The following AVEN variants were observed in gnomAD, a reference collection of about 807,000 sequenced individuals.
AVEN encodes apoptosis and caspase activation inhibitor.
A neutral mutation model predicts 38.1 loss-of-function variants in AVEN; 41 were observed. The ratio of observed to expected loss-of-function variants is 1.08; its 90% CI spans 0.84 to 1.40. AVEN has a LOEUF of 1.40. AVEN is among the 40% of genes most tolerant of loss of function. The pLI, the probability that AVEN is intolerant of heterozygous loss-of-function variation, is 0.00. For missense variants in AVEN, 605 were observed against 438.8 expected (o/e 1.38, Z -3.38); for synonymous variants, 206 against 171.8 (o/e 1.20, Z -1.56).
chr15:33,859,322 C>T (rs1308165698), intron 11 of AVEN, among the ~76,000 whole-genome samples: 2 of 152,248 alleles, frequency 1.3e-5, no homozygotes, highest in African/African-American at 2.4e-5. Context: ...AACTTATATA[C>T]ACCTTTAATG....
intron 1 of AVEN, among the ~76,000 whole-genome samples, chr15:34,034,608 C>T (rs1368291994): frequency 6.6e-6 from 1 of 151,924 alleles, no homozygotes; most frequent in African/African-American, 2.4e-5. Context: ...TACATGGTTT[C>T]CCAAAATTTT....
intron 2 of AVEN, among the ~76,000 whole-genome samples, chr15:33,983,231 CAT>C (rs575460510): frequency 0.11 from 10,763 of 100,652 alleles, 698 homozygotes; most frequent in South Asian, 0.29. Context: ...TATACACACA[CAT>C]ACACACACAC....
intron 2 of AVEN, among the ~76,000 whole-genome samples, chr15:33,945,997 C>T (rs1894496227): frequency 6.6e-6 from 1 of 152,130 alleles, no homozygotes; most frequent in East Asian, 1.9e-4. Flanking sequence ...TCAGTGAGAG[C>T]AGGAACTGTA....
At chr15:33,898,779 T>C (rs1892354215) in intron 2 of AVEN, among the ~76,000 whole-genome samples, 1 of 152,074 alleles carries the variant, frequency 6.6e-6, no homozygotes, top group Non-Finnish European at 1.5e-5. Flanking sequence ...AAAATAGCTA[T>C]GAAACAAGAC....
Position 33,867,609 on chromosome 15 carries a change from C to CTAG in AVEN, c.856_858dup (p.Leu286dup). On this transcript the variant is annotated inframe_insertion, in exon 5 of 6. Transcript: ENST00000306730. The stretch of plus-strand genomic sequence containing the variant: ...GGTGCATCTAAATTAAGCAACAGAT[C>CTAG]TAGTTCTTCTTCCAAATGGTCTCCT... 1 of 1,614,204 alleles carries CTAG rather than the reference C, an allele frequency of 6.2e-7. No homozygotes were observed. Among genetic ancestry groups the CTAG allele is most frequent in the Non-Finnish European group, 8.5e-7 (1 of 1,180,040 alleles).
chr15:34,074,701 C>A lies in AVEN; in HGVS notation n.455G>T, dbSNP rs191015668. Among the ~76,000 whole-genome samples, 355 of 152,276 alleles carry A rather than the reference C, an allele frequency of 2.3e-3. 3 individuals are homozygous for A. The Middle Eastern group carries it at 0.027, about 12-fold the overall frequency. ...GGTCCACCGTAATGACTTCATCTTA[C>A]CTTTATTACCTCCTAAAGACCCTAT... On this transcript the variant is annotated non_coding_transcript_exon_variant, in exon 1 of 12. Coordinates refer to the AVEN transcript ENST00000675287.
Position 34,003,150 on chromosome 15 carries a change from A to G in AVEN, c.327T>C (p.Tyr109=), listed in dbSNP as rs1218592962. 6.2e-7 allele frequency: 1 copy of G among 1,613,870 alleles called. No individual in the cohort carries two copies. Among genetic ancestry groups the G allele is most frequent in the East Asian group, 2.2e-5 (1 of 44,860 alleles). ...AGTTAGAGACAATCTTTCTTTTAGA[A>G]TAATTTCCCTGTTCATCATTCTCTT... ...YGEENDEQGN[Y]SKRKIVSNWD... is the part of the protein sequence containing the mutation. The change falls in exon 2 of 6, where the codon TAT becomes TAC. Residue 109 remains tyrosine (Y), a synonymous_variant. Transcript: ENST00000306730.
At chr15:33,995,796 A>G (rs1179528478) in intron 2 of AVEN, among the ~76,000 whole-genome samples, 1 of 152,182 alleles carries the variant, frequency 6.6e-6, no homozygotes, top group Non-Finnish European at 1.5e-5. Flanking sequence ...TGCATTTCCA[A>G]CTGAGGTACC....
downstream of AVEN, chr15:33,856,647 GTT>G (rs60494844): frequency 3.2e-5 from 5 of 153,898 alleles, no homozygotes; most frequent in Non-Finnish European, 7.1e-5. Flanking sequence ...GAACCTTTGG[GTT>G]TTTTGTTTGT....
chr15:33,860,053 A>G lies in AVEN; in HGVS notation n.2730-959T>C, dbSNP rs543998939. The stretch of plus-strand genomic sequence containing the variant: ...CTTGTCCTCTTCATTTTCTTCCCAG[A>G]GAGGGAGGTAGGGTAGGAGCAGAGG... On this transcript the variant is annotated intron_variant and non_coding_transcript_variant, in intron 11 of 11. Transcript: ENST00000675287. 1.3e-3 allele frequency among the ~76,000 whole-genome samples: 203 copies of G among 152,146 alleles called. 1 individual carries two copies. The highest frequency in any genetic ancestry group is 1.7e-3 in the Non-Finnish European group (116 of 68,010).
chr15:33,999,146 G>C (rs1897047677), intron 2 of AVEN, among the ~76,000 whole-genome samples: 1 of 152,168 alleles, frequency 6.6e-6, no homozygotes, highest in Admixed American at 6.5e-5. Context: ...CTTCCAGTAG[G>C]TTAGACTTAT....
At chr15:34,056,059 A>G (rs1900136321) in intron 5 of AVEN, among the ~76,000 whole-genome samples, 1 of 152,200 alleles carries the variant, frequency 6.6e-6, no homozygotes, top group African/African-American at 2.4e-5. Flanking sequence ...TGAGAAAGCC[A>G]GGAACTCAAA....
chr15:33,946,148 T>C (rs191987663), intron 2 of AVEN, among the ~76,000 whole-genome samples: 3 of 152,324 alleles, frequency 2.0e-5, no homozygotes, highest in Non-Finnish European at 2.9e-5. Flanking sequence ...ATGTTACCTG[T>C]ACTTCCTCCC....
At chr15:34,075,003 C>G (rs1459018565) in exon 1 of AVEN, among the ~76,000 whole-genome samples, 1 of 151,756 alleles carries the variant, frequency 6.6e-6, no homozygotes, top group African/African-American at 2.4e-5. Context: ...ACGGTGAAAC[C>G]TTGTCTCTAC....
intron 1 of AVEN, among the ~76,000 whole-genome samples, chr15:34,024,167 T>C (rs981705159): frequency 2.6e-5 from 4 of 152,160 alleles, no homozygotes; most frequent in Admixed American, 6.5e-5. Context: ...GCTTGGATTA[T>C]AGCAGTGAAC....
intron 2 of AVEN, among the ~76,000 whole-genome samples, chr15:33,938,705 C>G (rs557210848): frequency 1.3e-5 from 2 of 152,284 alleles, no homozygotes; most frequent in East Asian, 3.9e-4. Context: ...ATTTTTAAAA[C>G]AGAGAATGCA....
chr15:33,860,354 A>G lies in AVEN; in HGVS notation n.2730-1260T>C, dbSNP rs143505587. Among the ~76,000 whole-genome samples the G allele has an allele frequency of 4.8e-3, 730 of 152,322 alleles. 7 individuals carry two copies. The highest frequency in any genetic ancestry group is 0.017 in the African/African-American group (703 of 41,574). On this transcript the variant is annotated intron_variant and non_coding_transcript_variant, in intron 11 of 11. Coordinates refer to the AVEN transcript ENST00000675287. ...CCAACCAGGGAGAAGTAGAAAGGAA[A>G]GAGTTTCAGGGAGGAGCAAGTAGTT...
At chr15:33,865,342 A>AAAAAAAACTGCTGAAAATCTGTGCT, downstream of AVEN, 1 of 708,720 alleles carries the variant, frequency 1.4e-6, no homozygotes, top group South Asian at 2.0e-5. Context: ...GCCTCCCTTA[A>AAAAAAAACTGCTGAAAATCTGTGCT]AAAAAAAACT....
chr15:34,071,174 G>C (rs1900617089), intron 1 of AVEN, among the ~76,000 whole-genome samples: 1 of 152,158 alleles, frequency 6.6e-6, no homozygotes, highest in Admixed American at 6.5e-5. Context: ...TGCATGAATG[G>C]ATCTTTAGTG....
Sources: allele counts gnomAD v4.1 joint callset (sites outside exome capture counted in the v4.1 genomes callset), GRCh38; gene constraint gnomAD v4.1.1; transcripts MANE v1.5; gene names NCBI Gene and HGNC (gene_info 2026-07-23, HGNC 2026-07-21).